The following ITPKC variants were observed in gnomAD, a reference collection of about 807,000 sequenced individuals.
ITPKC encodes the protein inositol-trisphosphate 3-kinase C.
Under a neutral mutation model 67.1 loss-of-function variants are expected in ITPKC, and 33 were observed. That is an observed-to-expected ratio of 0.49 (90% CI 0.37 to 0.66). The LOEUF is 0.66. Among genes scored for constraint, ITPKC ranks in the 30% least tolerant of loss-of-function variants. The pLI is 0.00. For missense variants in ITPKC, 820 were observed against 892.1 expected, an observed-to-expected ratio of 0.92 and a Z score of 1.03; for synonymous variants, 341 against 359.8, an observed-to-expected ratio of 0.95 and a Z score of 0.59.
At chr19:40,726,380 G>T (rs1302136891) in intron 2 of ITPKC, among the ~76,000 whole-genome samples, 1 of 152,212 alleles carries the variant, frequency 6.6e-6, no homozygotes, top group East Asian at 1.9e-4. Flanking sequence ...GCAAATGCCT[G>T]CAGCACAGAG....
At chr19:40,739,281 C>T in intron 6 of ITPKC, 76 bp from the exon 7 acceptor site, 1 of 1,089,894 alleles carries the variant, frequency 9.2e-7, no homozygotes, top group Non-Finnish European at 1.4e-6. Flanking sequence ...GTCAATCACC[C>T]TGCTCTGCTG....
chr19:40,725,073 C>T (rs191227404), intron 1 of ITPKC, among the ~76,000 whole-genome samples: 85 of 151,972 alleles, frequency 5.6e-4, no homozygotes, highest in African/African-American at 1.9e-3. Flanking sequence ...AAGAGAAGGA[C>T]AGAGAGACAT....
At chr19:40,726,797 T>C (rs1203246332) in intron 2 of ITPKC, among the ~76,000 whole-genome samples, 1 of 152,164 alleles carries the variant, frequency 6.6e-6, no homozygotes, top group Non-Finnish European at 1.5e-5. Context: ...GTTCTAGCAC[T>C]TTGGGAGGCT....
rs758404959 is a variant in ITPKC at position 40,729,321 on chromosome 19, A to G, written c.1375A>G (p.Met459Val). The G allele has an allele frequency of 1.8e-5, 29 of 1,614,076 alleles. No individual in the cohort carries two copies. The highest frequency in any genetic ancestry group is 2.4e-5 in the Non-Finnish European group (28 of 1,180,044). Residue 459 changes from methionine to valine, a missense_variant, in exon 3 of 7, where the codon ATG becomes GTG. Around this residue, in one of 2 missense-constraint regions of ITPKC, gnomAD observed 339 missense variants for 422.0 expected, o/e 0.80. Transcript: ENST00000263370. ...LRPFVPAYYG[M>V]VLQDGQTFNQ... ...ACCTTTCGTGCCTGCCTACTATGGCATGGTGCTGCAGGATGGCCAGACCTT... is the reference window on the plus strand; with the variant it reads ...ACCTTTCGTGCCTGCCTACTATGGCGTGGTGCTGCAGGATGGCCAGACCTT...
chr19:40,717,501 G>A lies in ITPKC; in HGVS notation c.366G>A (p.Thr122=). 1.2e-6 allele frequency: 2 copies of A among 1,614,050 alleles called. No homozygotes were observed. The highest frequency in any genetic ancestry group is 1.7e-6 in the Non-Finnish European group (2 of 1,179,982). ...KTEPDRSSLR[T]HLEWSWSELE... is the part of the protein sequence containing the mutation. Reference sequence around the variant, plus strand: ...AGCCAGACAGGTCCAGCCTCCGGACGCATCTAGAATGGAGCTGGTCAGAGC... The same window carrying A: ...AGCCAGACAGGTCCAGCCTCCGGACACATCTAGAATGGAGCTGGTCAGAGC... The change falls in exon 1 of 7, where the codon ACG becomes ACA. Residue 122 remains threonine (T), a synonymous_variant. Coordinates refer to ENST00000263370, the MANE Select transcript of ITPKC (RefSeq NM_025194.3).
At chr19:40,723,986 A>T (rs1172232203) in intron 1 of ITPKC, among the ~76,000 whole-genome samples, 1 of 152,156 alleles carries the variant, frequency 6.6e-6, no homozygotes, top group Non-Finnish European at 1.5e-5. Context: ...GTCTTCACTC[A>T]GGGTCCCAGG....
chr19:40,717,377 G>A lies in ITPKC; in HGVS notation c.242G>A (p.Gly81Glu). The A allele has an allele frequency of 1.9e-6, 3 of 1,612,980 alleles. No individual in the cohort carries two copies. The highest frequency in any genetic ancestry group is 2.5e-6 in the Non-Finnish European group (3 of 1,179,914). Residue 81 changes from glycine to glutamate, a missense_variant, in exon 1 of 7, where the codon GGG (glycine) becomes GAG (glutamate). This residue lies in a region of ITPKC where 481 missense variants were observed against 470.1 expected (regional missense o/e 1.02). Transcript: ENST00000263370. Reference sequence around the variant, plus strand: ...AGGGCCGGCCTCGGGCCTGCGCCGGGGACAGAGAGTCCGCAGGCAGAATTC... The same window carrying A: ...AGGGCCGGCCTCGGGCCTGCGCCGGAGACAGAGAGTCCGCAGGCAGAATTC... ...PERAGLGPAP[G>E]TESPQAEFWT...
At chr19:40,726,529 T>C (rs1014253691) in intron 2 of ITPKC, among the ~76,000 whole-genome samples, 1 of 152,176 alleles carries the variant, frequency 6.6e-6, no homozygotes, top group African/African-American at 2.4e-5. Context: ...TATGTAAACA[T>C]ATGAGTGTGT....
chr19:40,718,424 C>A, intron 1 of ITPKC, 134 bp downstream of exon 1: 1 of 1,127,900 alleles, frequency 8.9e-7, no homozygotes. Flanking sequence ...CCTCTTCCAT[C>A]CACTGACCTC....
rs1485125978 is a variant in ITPKC, at chr19:40,740,393, AAG to A, written c.*834_*835del. ...TCTCCCAGCAAACTGCAGTGGCAGA[AAG>A]GAGGTTCAGAGGCTGGGAAAGTGGG... On this transcript the variant is annotated 3_prime_UTR_variant, in exon 7 of 7. Transcript: ENST00000263370. The A allele has an allele frequency of 1.2e-4, 20 of 166,644 alleles. No homozygotes were observed. The highest frequency in any genetic ancestry group is 2.2e-4 in the Non-Finnish European group (17 of 77,100). 10.3% of individuals were successfully genotyped at this position (166,644 alleles called of 1,614,324 possible). A position where few individuals can be genotyped will look rare whatever the true frequency, so the allele number is the denominator to read the frequency against.
At position 40,739,908 on chromosome 19, in the gene ITPKC, C is replaced by G; in HGVS notation, c.*348C>G. On this transcript the variant is annotated 3_prime_UTR_variant, in exon 7 of 7. Transcript: ENST00000263370. ...TCACAGGGTATGGTGTGACAGGGTG[C>G]CTGTGGACACATGAATCACTTCTAA... is the stretch of plus-strand genomic sequence containing the variant. The G allele has an allele frequency of 3.5e-6, 1 of 288,454 alleles. No homozygotes were observed. 17.9% of individuals were successfully genotyped at this position (288,454 alleles called of 1,614,324 possible). A position where few individuals can be genotyped will look rare whatever the true frequency, so the allele number is the denominator to read the frequency against.
At chr19:40,718,764 C>G (rs2144730027) in intron 1 of ITPKC, among the ~76,000 whole-genome samples, 1 of 152,270 alleles carries the variant, frequency 6.6e-6, no homozygotes, top group Admixed American at 6.5e-5. Context: ...TTCACCACCC[C>G]TTAGCCTATT....
At chr19:40,721,178 A>G (rs750373299) in intron 1 of ITPKC, among the ~76,000 whole-genome samples, 3 of 152,092 alleles carry the variant, frequency 2.0e-5, no homozygotes, top group Admixed American at 2.0e-4. Context: ...TCCCAGGCCC[A>G]TGAAAGAGAC....
At position 40,729,321 on chromosome 19, in the gene ITPKC, A is replaced by C. The variant is rs758404959; in HGVS notation, c.1375A>C (p.Met459Leu). The C allele has an allele frequency of 1.9e-6, 3 of 1,614,194 alleles. No individual in the cohort carries two copies. The highest frequency in any genetic ancestry group is 2.5e-6 in the Non-Finnish European group (3 of 1,180,036). Residue 459 changes from methionine to leucine, a missense_variant, in exon 3 of 7, where the codon ATG (methionine) becomes CTG (leucine). Physicochemically the swap from Met to Leu is conservative, Grantham distance 15 (BLOSUM62 2). Around this residue, in one of 2 missense-constraint regions of ITPKC, gnomAD observed 339 missense variants for 422.0 expected, o/e 0.80. Coordinates refer to ENST00000263370, the MANE Select transcript of ITPKC (RefSeq NM_025194.3). ...LRPFVPAYYG[M>L]VLQDGQTFNQ... is the part of the protein sequence containing the mutation. ...ACCTTTCGTGCCTGCCTACTATGGC[A>C]TGGTGCTGCAGGATGGCCAGACCTT... is the stretch of plus-strand genomic sequence containing the variant.
intron 1 of ITPKC, among the ~76,000 whole-genome samples, 169 bp from the exon 2 acceptor site, chr19:40,725,171 C>T (rs1274902639): frequency 3.3e-5 from 5 of 152,004 alleles, no homozygotes; most frequent in Non-Finnish European, 7.4e-5. Context: ...ATGTGATTGC[C>T]GAACTAAGTG....
chr19:40,724,127 G>T (rs1486736307), intron 1 of ITPKC, among the ~76,000 whole-genome samples: 1 of 152,176 alleles, frequency 6.6e-6, no homozygotes, highest in Non-Finnish European at 1.5e-5. Context: ...CCAAAGCAAG[G>T]CCAGGTGTGG....
chr19:40,717,338 A>C lies in ITPKC; in HGVS notation c.203A>C (p.His68Pro). 1 of 1,606,634 alleles carries C rather than the reference A, an allele frequency of 6.2e-7. No individual in the cohort carries two copies. Among genetic ancestry groups the C allele is most frequent in the Non-Finnish European group, 8.5e-7 (1 of 1,177,888 alleles). The part of the protein sequence containing the change: ...PWARTEGSSL[H>P]SEPERAGLGP... ...GCCCGGACAGAGGGGTCCAGCCTCC[A>C]CAGCGAGCCTGAGAGGGCCGGCCTC... is the stretch of plus-strand genomic sequence containing the variant. Residue 68 changes from histidine (H) to proline (P), a missense_variant, in exon 1 of 7, where the codon CAC becomes CCC. Transcript: ENST00000263370.
chr19:40,718,342 C>T, intron 1 of ITPKC, 52 bp downstream of exon 1: 2 of 1,480,114 alleles, frequency 1.4e-6, no homozygotes, highest in South Asian at 1.4e-5. Flanking sequence ...ACTCCTTATT[C>T]CTCCGCCTTT....
In ITPKC at chr19:40,719,483, T is replaced by C. The variant is rs142873064; in HGVS notation, c.1155+1193T>C. Among the ~76,000 whole-genome samples the C allele has an allele frequency of 3.3e-5, 5 of 152,046 alleles. No homozygotes were observed. The East Asian group carries it at 9.7e-4, about 29-fold the overall frequency. ...CACTCACTCCTCGCAGCAACCCTAA[T>C]GAGGTAGATACTTTTTTTTTTTTTC... is the stretch of plus-strand genomic sequence containing the variant. On this transcript the variant is annotated intron_variant, in intron 1 of 6. Coordinates refer to ENST00000263370, the MANE Select transcript of ITPKC (RefSeq NM_025194.3).
Sources: allele counts gnomAD v4.1 joint callset (sites outside exome capture counted in the v4.1 genomes callset), GRCh38; gene constraint gnomAD v4.1.1; regional missense constraint gnomAD v4.1.1; transcripts MANE v1.5; gene names NCBI Gene and HGNC (gene_info 2026-07-23, HGNC 2026-07-21).